Variants in PIBF1 observed in about 807,000 individuals in gnomAD.
The protein encoded by PIBF1 is progesterone immunomodulatory binding factor 1, also known as progesterone-induced-blocking factor 1.
PIBF1 carries 90 observed loss-of-function variants against 112.5 expected under a neutral mutation model. The observed-to-expected ratio is 0.80, with a 90% CI of 0.67 to 0.95. The LOEUF is 0.95. Ranked by LOEUF, PIBF1 falls within the 40% of genes least tolerant of loss-of-function variation. PIBF1 has a pLI of 0.00. For missense variants in PIBF1, 915 were observed against 852.3 expected, an observed-to-expected ratio of 1.07 and a Z score of -0.92; for synonymous variants, 301 against 288.6, an observed-to-expected ratio of 1.04 and a Z score of -0.44.
chr13:72,904,040 A>C (rs7984920), intron 11 of PIBF1, among the ~76,000 whole-genome samples: 117,885 of 151,890 alleles, frequency 0.78, 46,070 homozygotes, highest in South Asian at 0.85. Flanking sequence ...TTGGGAAATG[A>C]CGGGAAAATG....
intron 14 of PIBF1, among the ~76,000 whole-genome samples, chr13:72,958,030 G>A (rs1369594787): frequency 6.6e-6 from 1 of 151,896 alleles, no homozygotes; most frequent in Non-Finnish European, 1.5e-5. Flanking sequence ...CCACCTGAGA[G>A]ACTGAAGTGG....
At chr13:72,836,269 A>G (rs1436500458) in intron 9 of PIBF1, 1 of 317,796 alleles carries the variant, frequency 3.1e-6, no homozygotes, top group Admixed American at 4.0e-5. Context: ...GGTTTTTGAA[A>G]GTTTATATTT....
intron 5 of PIBF1, among the ~76,000 whole-genome samples, chr13:72,806,017 G>T (rs956374261): frequency 6.6e-6 from 1 of 152,168 alleles, no homozygotes; most frequent in African/African-American, 2.4e-5. Flanking sequence ...CCATTGACAG[G>T]TTTTAAATTC....
intron 8 of PIBF1, among the ~76,000 whole-genome samples, chr13:72,834,693 T>C (rs1158733777): frequency 6.6e-6 from 1 of 152,182 alleles, no homozygotes; most frequent in Non-Finnish European, 1.5e-5. Flanking sequence ...TAAATTTTAC[T>C]CTTAAAGAGT....
chr13:72,925,741 C>T (rs1001951919), intron 13 of PIBF1, among the ~76,000 whole-genome samples: 1 of 151,790 alleles, frequency 6.6e-6, no homozygotes, highest in Non-Finnish European at 1.5e-5. Context: ...GGGGTTTCAC[C>T]ATGTTGGCCA....
At chr13:73,013,107 C>T (rs1421225600) in intron 17 of PIBF1, among the ~76,000 whole-genome samples, 17 of 148,080 alleles carry the variant, frequency 1.1e-4, no homozygotes, top group Non-Finnish European at 2.4e-4. Context: ...CGAGACCATC[C>T]TGGCTAACAC....
At chr13:72,826,126 A>G in intron 6 of PIBF1, among the ~76,000 whole-genome samples, 1 of 151,940 alleles carries the variant, frequency 6.6e-6, no homozygotes, top group East Asian at 1.9e-4. Flanking sequence ...TTTTTAATTA[A>G]AAATAATCTA....
intron 17 of PIBF1, among the ~76,000 whole-genome samples, chr13:73,013,300 C>CA (rs869055620): frequency 0.029 from 419 of 14,610 alleles, 27 homozygotes; most frequent in Non-Finnish European, 0.045. Context: ...GACTCTGTCT[C>CA]AAAAAAAAAA....
intron 8 of PIBF1, among the ~76,000 whole-genome samples, chr13:72,833,920 C>T (rs1204477972): frequency 6.6e-6 from 1 of 152,156 alleles, no homozygotes; most frequent in Non-Finnish European, 1.5e-5. Flanking sequence ...TTTTCTTACA[C>T]AATATTACTT....
At chr13:72,875,910 G>A (rs1447335027) in intron 10 of PIBF1, among the ~76,000 whole-genome samples, 1 of 152,028 alleles carries the variant, frequency 6.6e-6, no homozygotes, top group East Asian at 1.9e-4. Context: ...TCTTGATGGT[G>A]TCTTTCACAG....
chr13:72,953,473 G>A (rs1397389325), intron 14 of PIBF1, among the ~76,000 whole-genome samples: 10 of 152,094 alleles, frequency 6.6e-5, no homozygotes, highest in Non-Finnish European at 1.0e-4. Flanking sequence ...GAGAATATCC[G>A]CCAAGGATCC....
intron 12 of PIBF1, among the ~76,000 whole-genome samples, chr13:72,914,650 C>T (rs911766005): frequency 2.0e-5 from 3 of 152,166 alleles, no homozygotes; most frequent in African/African-American, 7.2e-5. Context: ...GTGGTACAAT[C>T]ATAGCTCACT....
intron 10 of PIBF1, among the ~76,000 whole-genome samples, chr13:72,871,350 G>T (rs912353889): frequency 2.6e-5 from 4 of 152,010 alleles, no homozygotes; most frequent in African/African-American, 9.7e-5. Context: ...CTGTCGCCCA[G>T]GCTGGAGTGC....
intron 10 of PIBF1, among the ~76,000 whole-genome samples, chr13:72,890,067 G>A (rs914483132): frequency 2.0e-5 from 3 of 152,120 alleles, no homozygotes; most frequent in African/African-American, 4.8e-5. Flanking sequence ...ATATACATGC[G>A]TGGCTTAATA....
At chr13:72,912,682 A>G (rs2040932325) in intron 12 of PIBF1, among the ~76,000 whole-genome samples, 1 of 152,232 alleles carries the variant, frequency 6.6e-6, no homozygotes, top group Non-Finnish European at 1.5e-5. Flanking sequence ...TGTATTCATA[A>G]TAGTCAAAAA....
rs1037368257 is a variant in PIBF1 at position 72,901,651 on chromosome 13, C to T, written c.1489-6880C>T. 2.6e-5 allele frequency among the ~76,000 whole-genome samples: 4 copies of T among 151,994 alleles called. No individual in the cohort carries two copies. The South Asian group carries it at 8.3e-4, about 32-fold the overall frequency. On this transcript the variant is annotated intron_variant, in intron 11 of 17. Transcript: ENST00000326291. ...GGTGAGCAAAGATCATGCCACTACACTCCAGCCTGGGTGACAAGAGCGAGA... is the reference window on the plus strand; with the variant it reads ...GGTGAGCAAAGATCATGCCACTACATTCCAGCCTGGGTGACAAGAGCGAGA...
rs1271329175 is a variant in PIBF1 at position 73,016,120 on chromosome 13, AAAAT to A, written c.*207_*210del. ...TACTTTATTTTTTTTTCTATTTTAT[AAAAT>A]AAATATATATGCTATGCTTTAAATT... On this transcript the variant is annotated 3_prime_UTR_variant, in exon 18 of 18. Coordinates refer to ENST00000326291, the MANE Select transcript of PIBF1 (RefSeq NM_006346.4). The A allele has an allele frequency of 8.9e-6, 2 of 225,524 alleles. No homozygotes were observed. The highest frequency in any genetic ancestry group is 2.3e-5 in the African/African-American group (1 of 43,774). 14.0% of individuals were successfully genotyped at this position (225,524 alleles called of 1,614,324 possible).
chr13:72,907,705 G>C (rs1451406060), intron 11 of PIBF1, among the ~76,000 whole-genome samples: 1 of 151,942 alleles, frequency 6.6e-6, no homozygotes, highest in African/African-American at 2.4e-5. Context: ...TTGCCTCTCA[G>C]GAAACAGTAT....
intron 17 of PIBF1, 71 bp from the exon 18 acceptor site, chr13:73,015,798 G>C: frequency 1.2e-6 from 1 of 847,394 alleles, no homozygotes; most frequent in Non-Finnish European, 1.8e-6. Flanking sequence ...AATGTATATA[G>C]TTCTCTGAGT....
Sources: allele counts gnomAD v4.1 joint callset (sites outside exome capture counted in the v4.1 genomes callset), GRCh38; gene constraint gnomAD v4.1.1; transcripts MANE v1.5; gene names NCBI Gene and HGNC (gene_info 2026-07-23, HGNC 2026-07-21).